PRKCA: variants seen among roughly 807,000 people sequenced by gnomAD.
The protein encoded by PRKCA is protein kinase C alpha.
Under a neutral mutation model 87.0 loss-of-function variants are expected in PRKCA, and 27 were observed. The observed-to-expected ratio is 0.31, with a 90% CI of 0.23 to 0.43. The LOEUF is 0.43. Among genes scored for constraint, PRKCA ranks in the 20% least tolerant of loss-of-function variants. PRKCA has a pLI of 1.00. For synonymous variants in PRKCA, 329 were observed against 311.1 expected (o/e 1.06, Z -0.61); for missense variants, 518 against 852.3 (o/e 0.61, Z 4.88).
chr17:66,520,228 C>T (rs1358893096), intron 3 of PRKCA, among the ~76,000 whole-genome samples: 1 of 150,986 alleles, frequency 6.6e-6, no homozygotes, highest in Non-Finnish European at 1.5e-5. Flanking sequence ...TCAAGCAATT[C>T]TCCTGCCTCA....
intron 5 of PRKCA, among the ~76,000 whole-genome samples, chr17:66,652,775 G>T (rs1471331820): frequency 6.6e-6 from 1 of 152,194 alleles, no homozygotes; most frequent in East Asian, 1.9e-4. Context: ...TTCTTGGCTA[G>T]AAGGAAGCCC....
rs1352410634 is a variant in PRKCA at position 66,605,871 on chromosome 17, A to T, written c.289-35484A>T. Among the ~76,000 whole-genome samples, 3 of 152,342 alleles carry T rather than the reference A, an allele frequency of 2.0e-5. No individual in the cohort carries two copies. In the East Asian group the frequency reaches 5.8e-4, roughly 29 times the overall value. ...ATTCCATTTATGTGAAACATCCAGAATAAGCAAATCTGTATAGACAGAAAG... is the reference window on the plus strand; with the variant it reads ...ATTCCATTTATGTGAAACATCCAGATTAAGCAAATCTGTATAGACAGAAAG... On this transcript the variant is annotated intron_variant, in intron 3 of 16. Transcript: ENST00000413366.
chr17:66,528,893 T>C (rs921874148), intron 3 of PRKCA, among the ~76,000 whole-genome samples: 1 of 152,200 alleles, frequency 6.6e-6, no homozygotes, highest in South Asian at 2.1e-4. Context: ...CAGATGACTT[T>C]TAAATGTTAG....
chr17:66,788,358 C>T (rs1001282855), intron 15 of PRKCA, among the ~76,000 whole-genome samples: 4 of 152,110 alleles, frequency 2.6e-5, no homozygotes, highest in African/African-American at 9.7e-5. Context: ...CTTGTTATAG[C>T]ATTTATTTTT....
intron 3 of PRKCA, among the ~76,000 whole-genome samples, chr17:66,498,747 G>GGT (rs1368021478): frequency 6.6e-6 from 1 of 152,200 alleles, no homozygotes; most frequent in East Asian, 1.9e-4. Context: ...CAAAAGGAAG[G>GGT]GTGTGTGTGT....
At chr17:66,655,541 C>T (rs1971713179) in intron 5 of PRKCA, among the ~76,000 whole-genome samples, 1 of 152,238 alleles carries the variant, frequency 6.6e-6, no homozygotes, top group East Asian at 1.9e-4. Flanking sequence ...CAACCACTTT[C>T]TCTCCATGCC....
intron 3 of PRKCA, among the ~76,000 whole-genome samples, chr17:66,505,275 C>T (rs538351987): frequency 6.6e-6 from 1 of 152,224 alleles, no homozygotes; most frequent in South Asian, 2.1e-4. Flanking sequence ...CAAAAGGAGA[C>T]AGTGGGGGAG....
chr17:66,503,969 A>G (rs375971764), intron 3 of PRKCA, among the ~76,000 whole-genome samples: 1 of 152,210 alleles, frequency 6.6e-6, no homozygotes, highest in African/African-American at 2.4e-5. Flanking sequence ...CATGAGGTAC[A>G]GAAGCTAAAA....
chr17:66,736,489 G>C (rs1188662755), intron 10 of PRKCA, among the ~76,000 whole-genome samples: 1 of 151,988 alleles, frequency 6.6e-6, no homozygotes, highest in East Asian at 1.9e-4. Flanking sequence ...TGTTGGCCAG[G>C]CCGGTCTTGA....
At chr17:66,587,138 G>C (rs1440056994) in intron 3 of PRKCA, among the ~76,000 whole-genome samples, 2 of 152,036 alleles carry the variant, frequency 1.3e-5, no homozygotes, top group Non-Finnish European at 2.9e-5. Flanking sequence ...TATGTTTCCT[G>C]GTATCACTAA....
intron 10 of PRKCA, among the ~76,000 whole-genome samples, chr17:66,737,327 C>A (rs888375174): frequency 5.9e-5 from 9 of 152,106 alleles, no homozygotes; most frequent in African/African-American, 1.9e-4. Flanking sequence ...GGCGCCACTG[C>A]ACTCCAGCCT....
intron 3 of PRKCA, among the ~76,000 whole-genome samples, chr17:66,519,592 T>G (rs1967088863): frequency 1.3e-5 from 2 of 152,146 alleles, no homozygotes; most frequent in Non-Finnish European, 2.9e-5. Flanking sequence ...TACTGGGAAT[T>G]AAATGGGGTG....
intron 2 of PRKCA, among the ~76,000 whole-genome samples, chr17:66,311,081 T>A (rs932532803): frequency 2.6e-5 from 4 of 152,082 alleles, no homozygotes; most frequent in Admixed American, 1.3e-4. Flanking sequence ...TCAGGAGGGG[T>A]TCAGCCCTTG....
intron 9 of PRKCA, among the ~76,000 whole-genome samples, chr17:66,735,181 T>A (rs6504451): frequency 0.69 from 104,703 of 152,028 alleles, 36,251 homozygotes; most frequent in African/African-American, 0.73. Context: ...AAATGTGCAT[T>A]ATTCCAGACT....
At chr17:66,501,170 A>G (rs531532519) in intron 3 of PRKCA, among the ~76,000 whole-genome samples, 1 of 152,360 alleles carries the variant, frequency 6.6e-6, no homozygotes, top group Admixed American at 6.5e-5. Context: ...AGCGGTACCC[A>G]GGTTACAGTA....
At chr17:66,798,518 A>G (rs12939363) in intron 16 of PRKCA, among the ~76,000 whole-genome samples, 3 of 506 alleles carry the variant, frequency 5.9e-3, no homozygotes, top group Non-Finnish European at 0.011. Flanking sequence ...GACGGTGGTG[A>G]CGGTGGTGGT....
intron 2 of PRKCA, among the ~76,000 whole-genome samples, chr17:66,339,527 G>C (rs1287861246): frequency 1.3e-5 from 2 of 151,988 alleles, no homozygotes; most frequent in Non-Finnish European, 2.9e-5. Context: ...AGTTTTCCTA[G>C]AGTTATTGAA....
intron 3 of PRKCA, among the ~76,000 whole-genome samples, chr17:66,635,410 C>G (rs982239694): frequency 6.6e-6 from 1 of 152,234 alleles, no homozygotes; most frequent in Non-Finnish European, 1.5e-5. Context: ...CTTTCAATCC[C>G]TCATGGCCCA....
rs1456728895 is a variant in PRKCA, at chr17:66,552,358, C to T, written c.288+56075C>T. On this transcript the variant is annotated intron_variant, in intron 3 of 16. Transcript: ENST00000413366. ...CATATAACAAATGTCCCTAAAATGT[C>T]GTGGCTTAAAGCAACACCATTTATT... is the stretch of plus-strand genomic sequence containing the variant. Among the ~76,000 whole-genome samples, 8 of 152,288 alleles carry T rather than the reference C, an allele frequency of 5.3e-5. No individual in the cohort carries two copies. In the South Asian group the frequency reaches 6.2e-4, roughly 12 times the overall value.
Sources: allele counts gnomAD v4.1 joint callset (sites outside exome capture counted in the v4.1 genomes callset), GRCh38; gene constraint gnomAD v4.1.1; transcripts MANE v1.5; gene names NCBI Gene and HGNC (gene_info 2026-07-23, HGNC 2026-07-21).